Variants in MYOF observed in about 807,000 individuals in gnomAD.
MYOF encodes fer-1-like 3, myoferlin.
In MYOF, 244 loss-of-function variants were observed where a neutral mutation model predicts 284.2. The observed-to-expected ratio is 0.86, with a 90% confidence interval of 0.77 to 0.95. The LOEUF (loss-of-function observed/expected upper bound fraction) is 0.95, where lower values mean the gene tolerates loss of function less well. Ranked by LOEUF, MYOF falls within the 40% of genes least tolerant of loss-of-function variation. MYOF has a pLI of 0.00. For missense variants in MYOF, 2,496 were observed against 2,560.6 expected, an observed-to-expected ratio of 0.97 and a Z score of 0.54; for synonymous variants, 904 against 919.7, an observed-to-expected ratio of 0.98 and a Z score of 0.31.
intron 13 of MYOF, among the ~76,000 whole-genome samples, chr10:93,397,952 C>CAGA (rs1847101926): frequency 6.6e-6 from 1 of 152,092 alleles, no homozygotes; most frequent in Admixed American, 6.5e-5. Flanking sequence ...TGTCTTCAAG[C>CAGA]TGATCCTGAA....
chr10:93,472,638 CAAAACAAAAACA>C (rs533885842), intron 1 of MYOF, among the ~76,000 whole-genome samples: 14 of 151,726 alleles, frequency 9.2e-5, no homozygotes, highest in African/African-American at 1.7e-4. Flanking sequence ...CACTCCATCT[CAAAACAAAAACA>C]AAAACAAAAA....
At chr10:93,341,987 T>C in intron 38 of MYOF, 1 of 1,289,226 alleles carries the variant, frequency 7.8e-7, no homozygotes, top group Middle Eastern at 2.1e-4. Flanking sequence ...TGGAAGGTAA[T>C]TGTTGAGATG....
intron 43 of MYOF, among the ~76,000 whole-genome samples, chr10:93,332,843 T>C (rs1843392402): frequency 1.3e-5 from 2 of 152,020 alleles, no homozygotes; most frequent in African/African-American, 4.8e-5. Flanking sequence ...AGACTCTGTC[T>C]TAAAAAAAAA....
At chr10:93,416,947 C>A (rs1252724301) in intron 5 of MYOF, among the ~76,000 whole-genome samples, 1 of 152,112 alleles carries the variant, frequency 6.6e-6, no homozygotes, top group African/African-American at 2.4e-5. Flanking sequence ...CTGGAAGAGA[C>A]CCTACATATT....
At chr10:93,468,894 G>A (rs981320153) in intron 1 of MYOF, among the ~76,000 whole-genome samples, 2 of 152,122 alleles carry the variant, frequency 1.3e-5, no homozygotes, top group Admixed American at 6.6e-5. Flanking sequence ...ATGAGAAGAC[G>A]CCAAGCACAA....
chr10:93,371,794 C>G (rs1332573537), intron 24 of MYOF, among the ~76,000 whole-genome samples: 2 of 152,166 alleles, frequency 1.3e-5, no homozygotes, highest in East Asian at 3.9e-4. Context: ...AAACAGCTCC[C>G]TAAACTGTGT....
Position 93,349,987 on chromosome 10 carries a change from A to G in MYOF, c.3922-18T>C. ...GCTAGAATCTATGAAAACGATTTAA[A>G]GAGAGGGGAAGGTAACTCAGCACTT... On this transcript the variant is annotated intron_variant, in intron 35 of 53. Coordinates refer to ENST00000359263, the MANE Select transcript of MYOF (RefSeq NM_013451.4). 6.2e-7 allele frequency: 1 copy of G among 1,610,276 alleles called. No individual in the cohort carries two copies. The highest frequency in any genetic ancestry group is 8.5e-7 in the Non-Finnish European group (1 of 1,178,010).
chr10:93,390,820 A>G (rs2134040483), intron 17 of MYOF, among the ~76,000 whole-genome samples: 1 of 152,344 alleles, frequency 6.6e-6, no homozygotes, highest in South Asian at 2.1e-4. Context: ...ATTTAAAAAA[A>G]AAAAAGAGGA....
rs34000599 is a variant in MYOF, at chr10:93,328,792, C to G, written c.5102G>C (p.Gly1701Ala). Residue 1701 changes from glycine (G) to alanine (A), a missense_variant, in exon 45 of 54, where the codon GGA becomes GCA. Coordinates refer to ENST00000359263, the MANE Select transcript of MYOF (RefSeq NM_013451.4). ...TTCATCCAAGCTGTAGTCTCGTCCTCCATATCTGATTCTACTCCCATCTTC... is the reference window on the plus strand; with the variant it reads ...TTCATCCAAGCTGTAGTCTCGTCCTGCATATCTGATTCTACTCCCATCTTC... ...LSEDGSRIRY[G>A]GRDYSLDEFE... is the part of the protein sequence containing the mutation. The G allele has an allele frequency of 2.2e-4, 359 of 1,613,502 alleles. 3 individuals carry two copies. In the African/African-American group the frequency reaches 4.1e-3, roughly 19 times the overall value.
At chr10:93,412,710 C>G (rs960193040) in intron 5 of MYOF, among the ~76,000 whole-genome samples, 2 of 152,140 alleles carry the variant, frequency 1.3e-5, no homozygotes, top group Non-Finnish European at 2.9e-5. Context: ...ACTCATTACA[C>G]AAAGTATATA....
intron 1 of MYOF, among the ~76,000 whole-genome samples, chr10:93,466,907 G>A (rs998053984): frequency 1.3e-5 from 2 of 152,180 alleles, no homozygotes; most frequent in East Asian, 1.9e-4. Context: ...GAGCCCTAGA[G>A]ATCAAGGCTG....
At chr10:93,451,103 G>C (rs1202046254) in intron 3 of MYOF, among the ~76,000 whole-genome samples, 2 of 152,136 alleles carry the variant, frequency 1.3e-5, no homozygotes, top group Non-Finnish European at 2.9e-5. Flanking sequence ...CCTTTGGGAG[G>C]CTGAAGCGGG....
rs1050255430 is a variant in MYOF, at chr10:93,329,813, G to C, written c.4833C>G (p.Tyr1611Ter). 13 of 1,614,106 alleles carry C rather than the reference G, an allele frequency of 8.1e-6. 1 individual carries two copies. In the Admixed American group the frequency reaches 1.0e-4, roughly 12 times the overall value. ...VFGRMYELSC[Y>*]LPQEKDLKIS... Reference sequence around the variant, plus strand: ...TTTTCAGGTCTTTTTCTTGAGGTAAGTAGCAGCTCAGTTCGTACATCCTAA... The same window carrying C: ...TTTTCAGGTCTTTTTCTTGAGGTAACTAGCAGCTCAGTTCGTACATCCTAA... Residue 1611 changes from tyrosine (Y) to a stop codon, truncating the protein, a stop_gained, in exon 44 of 54, where the codon TAC (tyrosine) becomes TAG (stop). Coordinates refer to ENST00000359263, the MANE Select transcript of MYOF (RefSeq NM_013451.4). LOFTEE classifies it high-confidence loss of function.
intron 25 of MYOF, 148 bp from the exon 26 acceptor site, chr10:93,366,703 T>C: frequency 1.6e-6 from 1 of 639,328 alleles, no homozygotes; most frequent in East Asian, 2.8e-5. Flanking sequence ...TGGACCTAAC[T>C]TGAGCTATTA....
At chr10:93,443,408 G>C (rs1377377445) in intron 3 of MYOF, among the ~76,000 whole-genome samples, 4 of 151,784 alleles carry the variant, frequency 2.6e-5, no homozygotes, top group African/African-American at 7.3e-5. Flanking sequence ...GCAAGTCTCT[G>C]AAGTGCTCTC....
rs778121981 is a variant in MYOF at position 93,333,220 on chromosome 10, C to A, written c.4811+1G>T. The A allele has an allele frequency of 6.2e-7, 1 of 1,612,632 alleles. No individual in the cohort carries two copies. Among genetic ancestry groups the A allele is most frequent in the East Asian group, 2.2e-5 (1 of 44,874 alleles). On this transcript the variant is annotated splice_donor_variant, in intron 43 of 53. Transcript: ENST00000359263. LOFTEE classifies it high-confidence loss of function. ...GAAAAACATTTAAGAATGTATATTA[C>A]CTGCCAAAGACTGGGTTGAGAGTGT...
intron 1 of MYOF, among the ~76,000 whole-genome samples, chr10:93,473,277 T>G (rs1164860507): frequency 1.3e-5 from 2 of 152,256 alleles, no homozygotes; most frequent in African/African-American, 4.8e-5. Context: ...AAGGCTGCCC[T>G]GTGAGTAGAC....
chr10:93,310,781 A>C lies in MYOF; in HGVS notation c.5890-138T>G, dbSNP rs190113647. On this transcript the variant is annotated intron_variant, in intron 51 of 53. Transcript: ENST00000359263. ...TAGATTGCCTTCAGTTTTCCTCAAG[A>C]GATTTCATCCCATTTCCTCTTCCAT... The C allele has an allele frequency of 4.1e-4, 320 of 782,758 alleles. 6 individuals carry two copies. In the East Asian group the frequency reaches 8.2e-3, roughly 20 times the overall value. 48.5% of individuals were successfully genotyped at this position (782,758 alleles called of 1,614,324 possible). A position where few individuals can be genotyped will look rare whatever the true frequency, so the allele number is the denominator to read the frequency against.
intron 4 of MYOF, among the ~76,000 whole-genome samples, chr10:93,429,153 C>T (rs1487242372): frequency 7.9e-5 from 12 of 152,136 alleles, no homozygotes; most frequent in Admixed American, 7.2e-4. Flanking sequence ...AGTTCTCATT[C>T]TATTAGTTAT....
Sources: gnomAD v4.1 joint callset for allele counts (sites outside exome capture counted in the v4.1 genomes callset) on GRCh38, gnomAD v4.1.1 for gene constraint, MANE v1.5 for transcripts, NCBI Gene and HGNC (gene_info 2026-07-23, HGNC 2026-07-21) for gene names.